Variants in PRR5L observed in about 807,000 individuals in gnomAD.
PRR5L encodes proline-rich protein 5-like.
In PRR5L, 21 loss-of-function variants were observed where a neutral mutation model predicts 36.4. The ratio of observed to expected loss-of-function variants is 0.58; its 90% CI spans 0.41 to 0.83. The LOEUF (loss-of-function observed/expected upper bound fraction) is 0.83. Among genes scored for constraint, PRR5L ranks in the 40% least tolerant of loss-of-function variants. The probability of loss-of-function intolerance (pLI) is 0.00; values close to 1 mark genes in which losing one functional copy is unlikely to be tolerated. For missense variants in PRR5L, 381 were observed against 473.3 expected (o/e 0.80, Z 1.81); for synonymous variants, 188 against 197.0 (o/e 0.95, Z 0.38).
chr11:36,443,347 C>T (rs574358881), intron 6 of PRR5L, among the ~76,000 whole-genome samples: 10 of 152,262 alleles, frequency 6.6e-5, no homozygotes, highest in East Asian at 3.9e-4. Flanking sequence ...ATGAGGGATC[C>T]GCTCTCATGA....
At chr11:36,410,596 G>A (rs774898049) in intron 3 of PRR5L, among the ~76,000 whole-genome samples, 4 of 152,248 alleles carry the variant, frequency 2.6e-5, no homozygotes, top group Admixed American at 6.5e-5. Flanking sequence ...AGCATAGTGT[G>A]CCACATAACT....
At chr11:36,300,307 A>G (rs1856361438) in intron 1 of PRR5L, among the ~76,000 whole-genome samples, 1 of 152,126 alleles carries the variant, frequency 6.6e-6, no homozygotes, top group Non-Finnish European at 1.5e-5. Flanking sequence ...GGAGCATGTC[A>G]CACGGTGAGA....
intron 1 of PRR5L, among the ~76,000 whole-genome samples, chr11:36,335,540 T>C (rs1245626483): frequency 6.6e-6 from 1 of 152,188 alleles, no homozygotes; most frequent in Non-Finnish European, 1.5e-5. Flanking sequence ...GAAACAGGAC[T>C]GGTGTGCAGC....
intron 1 of PRR5L, among the ~76,000 whole-genome samples, chr11:36,389,217 C>T (rs541657885): frequency 5.1e-4 from 78 of 152,214 alleles, no homozygotes; most frequent in African/African-American, 1.8e-3. Context: ...TTTGTCACTT[C>T]GGTAGATCTT....
chr11:36,326,031 A>G (rs1856658756), intron 1 of PRR5L, among the ~76,000 whole-genome samples: 1 of 152,148 alleles, frequency 6.6e-6, no homozygotes, highest in South Asian at 2.1e-4. Context: ...TATTTTTCAA[A>G]GAATTTGTAT....
At chr11:36,417,057 T>G (rs560772810) in intron 3 of PRR5L, among the ~76,000 whole-genome samples, 1 of 152,312 alleles carries the variant, frequency 6.6e-6, no homozygotes, top group East Asian at 1.9e-4. Flanking sequence ...ATCTTACCCA[T>G]GGCATCTTCA....
chr11:36,427,384 C>T (rs1858404445), intron 4 of PRR5L, among the ~76,000 whole-genome samples: 1 of 152,066 alleles, frequency 6.6e-6, no homozygotes, highest in South Asian at 2.1e-4. Flanking sequence ...GCTTAGTCTT[C>T]TGCCTGGGGA....
At position 36,419,147 on chromosome 11, in the gene PRR5L, C is replaced by T. The variant is rs1052141068; in HGVS notation, c.246-108C>T. Reference sequence around the variant, plus strand: ...GGACCAGGACCTAAGAAAGTGCCCTCAAGATCTCAGACCTGGCCCCACCCC... The same window carrying T: ...GGACCAGGACCTAAGAAAGTGCCCTTAAGATCTCAGACCTGGCCCCACCCC... On this transcript the variant is annotated intron_variant, in intron 3 of 8. Coordinates refer to ENST00000530639, the MANE Select transcript of PRR5L (RefSeq NM_001160167.2). The T allele has an allele frequency of 4.2e-5, 40 of 953,538 alleles. No homozygotes were observed. The South Asian group carries it at 4.8e-4, about 12-fold the overall frequency. 59.1% of individuals were successfully genotyped at this position (953,538 alleles called of 1,614,324 possible).
At chr11:36,358,749 A>G (rs183920167) in intron 1 of PRR5L, among the ~76,000 whole-genome samples, 1 of 152,340 alleles carries the variant, frequency 6.6e-6, no homozygotes, top group Non-Finnish European at 1.5e-5. Flanking sequence ...CCAGCCATGT[A>G]GAGGTTTGTT....
chr11:36,401,213 T>A lies in PRR5L; in HGVS notation c.92T>A (p.Val31Glu). 1 of 1,613,954 alleles carries A rather than the reference T, an allele frequency of 6.2e-7. No individual in the cohort carries two copies. The change falls in exon 2 of 9, where the codon GTG becomes GAG. Residue 31 changes from valine (V) to glutamate (E), a missense_variant. Val to Glu is a moderately radical substitution (Grantham distance 121). Coordinates refer to ENST00000530639, the MANE Select transcript of PRR5L (RefSeq NM_001160167.2). ...AGACCGCGCTTCATGAGCTCCCCCG[T>A]GCTCAGCGACCTTCCCCGATTCCAA... is the stretch of plus-strand genomic sequence containing the variant. The part of the protein sequence containing the change: ...RPRPRFMSSP[V>E]LSDLPRFQAA...
chr11:36,314,025 AAAT>A (rs1353306695), intron 1 of PRR5L, among the ~76,000 whole-genome samples: 1 of 152,182 alleles, frequency 6.6e-6, no homozygotes, highest in Non-Finnish European at 1.5e-5. Flanking sequence ...CTCTGATGTA[AAAT>A]GGTGGTTACA....
At chr11:36,406,807 A>G (rs2133565316) in intron 3 of PRR5L, among the ~76,000 whole-genome samples, 1 of 152,326 alleles carries the variant, frequency 6.6e-6, no homozygotes, top group Admixed American at 6.5e-5. Flanking sequence ...CAGTTGTGAC[A>G]GTCCTGTTAT....
chr11:36,421,219 CAGGTTTTAAAT>C lies in PRR5L; in HGVS notation c.294+1917_294+1927del, dbSNP rs796808675. On this transcript the variant is annotated intron_variant, in intron 4 of 8. Coordinates refer to ENST00000530639, the MANE Select transcript of PRR5L (RefSeq NM_001160167.2). ...CTCCATGGTTTGGTGTGGTTTCAATCAGGTTTTAAATGTCATTTGTCTTTTGGTGCTGGGGG... is the reference window on the plus strand; with the variant it reads ...CTCCATGGTTTGGTGTGGTTTCAATCGTCATTTGTCTTTTGGTGCTGGGGG... Among the ~76,000 whole-genome samples the C allele has an allele frequency of 9.5e-4, 145 of 152,312 alleles. 1 individual carries two copies. Among genetic ancestry groups the C allele is most frequent in the Middle Eastern group, 3.4e-3 (1 of 294 alleles).
intron 8 of PRR5L, among the ~76,000 whole-genome samples, chr11:36,462,007 T>A (rs187312426): frequency 3.2e-4 from 49 of 152,232 alleles, no homozygotes; most frequent in Middle Eastern, 3.4e-3. Flanking sequence ...GGACATTGAT[T>A]GAAAGGGAAT....
intron 1 of PRR5L, among the ~76,000 whole-genome samples, chr11:36,397,762 A>C (rs1450890710): frequency 5.4e-5 from 8 of 149,308 alleles, no homozygotes; most frequent in African/African-American, 1.7e-4. Flanking sequence ...TGCCTTCTTA[A>C]TTCTTTTCCT....
chr11:36,462,328 T>C lies in PRR5L; in HGVS notation c.713-14T>C. On this transcript the variant is annotated splice_polypyrimidine_tract_variant and intron_variant, in intron 8 of 8. Transcript: ENST00000530639. ...CCTCCCCAATAACAGTCTTTGCTGATTTTTCTCTTGCAGCCAGGCGGCACT... is the reference window on the plus strand; with the variant it reads ...CCTCCCCAATAACAGTCTTTGCTGACTTTTCTCTTGCAGCCAGGCGGCACT... The C allele has an allele frequency of 6.7e-7, 1 of 1,491,506 alleles. No individual in the cohort carries two copies. The highest frequency in any genetic ancestry group is 8.9e-7 in the Non-Finnish European group (1 of 1,121,062). 92.4% of individuals were successfully genotyped at this position (1,491,506 alleles called of 1,614,324 possible).
chr11:36,417,893 A>G (rs908559421), intron 3 of PRR5L, among the ~76,000 whole-genome samples: 1 of 152,176 alleles, frequency 6.6e-6, no homozygotes, highest in Non-Finnish European at 1.5e-5. Context: ...GTCATTTGAA[A>G]TCATGAAGGG....
intron 8 of PRR5L, among the ~76,000 whole-genome samples, chr11:36,460,628 G>A (rs1193125433): frequency 2.0e-5 from 3 of 152,154 alleles, no homozygotes; most frequent in Non-Finnish European, 4.4e-5. Context: ...ATTTATTATG[G>A]AATATAATAC....
intron 1 of PRR5L, among the ~76,000 whole-genome samples, chr11:36,331,569 T>G (rs546930126): frequency 1.1e-4 from 17 of 152,334 alleles, no homozygotes; most frequent in African/African-American, 3.8e-4. Flanking sequence ...AAACAAACTT[T>G]CATAACTTCC....
Sources: allele counts gnomAD v4.1 joint callset (sites outside exome capture counted in the v4.1 genomes callset), GRCh38; gene constraint gnomAD v4.1.1; transcripts MANE v1.5; gene names NCBI Gene and HGNC (gene_info 2026-07-23, HGNC 2026-07-21).